The following CHSY3 variants were observed in gnomAD, a reference collection of about 807,000 sequenced individuals.
The protein encoded by CHSY3 is chondroitin sulfate synthase 3, also known as N-acetylgalactosaminyl-proteoglycan 3-beta-glucuronosyltransferase 3.
CHSY3 carries 35 observed loss-of-function variants against 67.2 expected under a neutral mutation model. The ratio of observed to expected loss-of-function variants is 0.52; its 90% CI spans 0.40 to 0.69. The LOEUF (loss-of-function observed/expected upper bound fraction) is 0.69. CHSY3 is among the 30% of genes least tolerant of loss of function. CHSY3 has a pLI of 0.00. For synonymous variants in CHSY3, 474 were observed against 434.7 expected, an observed-to-expected ratio of 1.09 and a Z score of -1.12; for missense variants, 1,069 against 1,138.5, an observed-to-expected ratio of 0.94 and a Z score of 0.88.
intron 2 of CHSY3, among the ~76,000 whole-genome samples, chr5:129,941,788 T>G (rs1761707462): frequency 6.6e-6 from 1 of 152,092 alleles, no homozygotes; most frequent in Non-Finnish European, 1.5e-5. Flanking sequence ...GGTTGGAAGC[T>G]CAATCCCCAA....
chr5:130,119,363 A>C (rs1183817716), intron 2 of CHSY3, among the ~76,000 whole-genome samples: 1 of 152,194 alleles, frequency 6.6e-6, no homozygotes, highest in Non-Finnish European at 1.5e-5. Flanking sequence ...TGTAGCCATG[A>C]TTGCAGGAAT....
intron 2 of CHSY3, among the ~76,000 whole-genome samples, chr5:130,058,612 G>A (rs1278398532): frequency 2.0e-5 from 3 of 152,132 alleles, no homozygotes; most frequent in Non-Finnish European, 4.4e-5. Flanking sequence ...GACTAAAAGA[G>A]TGAAACTTCG....
At chr5:129,946,425 A>C (rs1455793551) in intron 2 of CHSY3, among the ~76,000 whole-genome samples, 1 of 152,198 alleles carries the variant, frequency 6.6e-6, no homozygotes, top group African/African-American at 2.4e-5. Flanking sequence ...ATCCAAACAC[A>C]ATCATAAATT....
chr5:130,047,607 G>A (rs1765193861), intron 2 of CHSY3, among the ~76,000 whole-genome samples: 1 of 152,006 alleles, frequency 6.6e-6, no homozygotes, highest in Admixed American at 6.6e-5. Context: ...TTCACTAGCT[G>A]AAGTGAATAA....
At position 130,061,319 on chromosome 5, in the gene CHSY3, C is replaced by G. The variant is rs76096108; in HGVS notation, c.1087-122910C>G. On this transcript the variant is annotated intron_variant, in intron 2 of 2. Coordinates refer to ENST00000305031, the MANE Select transcript of CHSY3 (RefSeq NM_175856.5). ...AAAAATAAACAGTGGGGAAAGGACACCTTATTCAATAAATGGTGCTAGAAA... is the reference window on the plus strand; with the variant it reads ...AAAAATAAACAGTGGGGAAAGGACAGCTTATTCAATAAATGGTGCTAGAAA... Among the ~76,000 whole-genome samples, 814 of 152,190 alleles carry G rather than the reference C, an allele frequency of 5.3e-3. 7 individuals are homozygous for G. The highest frequency in any genetic ancestry group is 0.019 in the African/African-American group (775 of 41,538).
At position 129,905,387 on chromosome 5, in the gene CHSY3, C is replaced by T; in HGVS notation, c.558C>T (p.Ser186=). ...TGACCGCGCAGAAGTACCTGGGCAG[C>T]CGCGCGCTGGCCGCGCAGCGGACCT... ...GVMTAQKYLG[S]RALAAQRTWA... Residue 186 remains serine, a synonymous_variant, in exon 1 of 3, where the codon AGC becomes AGT. Coordinates refer to ENST00000305031, the MANE Select transcript of CHSY3 (RefSeq NM_175856.5). 6.2e-7 allele frequency: 1 copy of T among 1,600,708 alleles called. No homozygotes were observed.
At chr5:130,059,860 A>G (rs1765653887) in intron 2 of CHSY3, among the ~76,000 whole-genome samples, 2 of 152,174 alleles carry the variant, frequency 1.3e-5, no homozygotes, top group Non-Finnish European at 1.5e-5. Context: ...ACTTTATGAG[A>G]GAAGACTATC....
chr5:130,122,353 TTAATC>T (rs750993882), intron 2 of CHSY3, among the ~76,000 whole-genome samples: 23 of 152,294 alleles, frequency 1.5e-4, no homozygotes, highest in African/African-American at 5.3e-4. Context: ...AAATAAGAGA[TTAATC>T]TAATCTAAGC....
intron 2 of CHSY3, among the ~76,000 whole-genome samples, chr5:130,077,854 T>A (rs1026648426): frequency 6.6e-6 from 1 of 151,948 alleles, no homozygotes; most frequent in Non-Finnish European, 1.5e-5. Flanking sequence ...TATTCTTTTT[T>A]GTGAGAATAC....
At chr5:130,133,763 C>T (rs1024463272) in intron 2 of CHSY3, among the ~76,000 whole-genome samples, 10 of 111,028 alleles carry the variant, frequency 9.0e-5, no homozygotes, top group African/African-American at 3.2e-4. Context: ...CAGTGTGAGA[C>T]TCCGTCTTAA....
chr5:130,016,532 C>T (rs1764224950), intron 2 of CHSY3, among the ~76,000 whole-genome samples: 1 of 152,168 alleles, frequency 6.6e-6, no homozygotes, highest in Non-Finnish European at 1.5e-5. Context: ...CTGCCTCAGC[C>T]TCCCAAGTAG....
intron 2 of CHSY3, among the ~76,000 whole-genome samples, chr5:130,127,434 T>C (rs1344222513): frequency 6.6e-6 from 1 of 151,770 alleles, no homozygotes; most frequent in African/African-American, 2.4e-5. Flanking sequence ...TAAATGTAGA[T>C]TCTGGGTTGC....
At chr5:129,940,329 C>T (rs2149594192) in intron 2 of CHSY3, among the ~76,000 whole-genome samples, 1 of 152,118 alleles carries the variant, frequency 6.6e-6, no homozygotes, top group Admixed American at 6.5e-5. Context: ...TCTTTTGATT[C>T]TTGTTAACTG....
At position 130,078,745 on chromosome 5, in the gene CHSY3, C is replaced by T. The variant is rs1205184079; in HGVS notation, c.1087-105484C>T. Among the ~76,000 whole-genome samples the T allele has an allele frequency of 1.2e-4, 18 of 152,126 alleles. 1 individual carries two copies. The highest frequency in any genetic ancestry group is 1.2e-3 in the Admixed American group (18 of 15,240). ...TTCCTATTGACTTCATCAAAGCAGACCTTATTCTTTTGCTCAGTGCTTGAA... is the reference window on the plus strand; with the variant it reads ...TTCCTATTGACTTCATCAAAGCAGATCTTATTCTTTTGCTCAGTGCTTGAA... On this transcript the variant is annotated intron_variant, in intron 2 of 2. Transcript: ENST00000305031.
intron 2 of CHSY3, among the ~76,000 whole-genome samples, chr5:130,110,715 A>G (rs970137910): frequency 7.9e-5 from 12 of 151,956 alleles, no homozygotes; most frequent in African/African-American, 2.9e-4. Context: ...TAATGATGAC[A>G]TATAATACCT....
At chr5:130,119,569 C>T (rs1767937937) in intron 2 of CHSY3, among the ~76,000 whole-genome samples, 2 of 152,074 alleles carry the variant, frequency 1.3e-5, no homozygotes, top group South Asian at 4.1e-4. Flanking sequence ...CAGGCTTCTC[C>T]TTGACATATT....
chr5:129,945,557 C>T, intron 2 of CHSY3, among the ~76,000 whole-genome samples: 1 of 152,114 alleles, frequency 6.6e-6, no homozygotes, highest in African/African-American at 2.4e-5. Flanking sequence ...ATTTCCCCTT[C>T]TGTTAAGGGT....
chr5:130,071,567 G>A (rs1766070020), intron 2 of CHSY3, among the ~76,000 whole-genome samples: 1 of 150,964 alleles, frequency 6.6e-6, no homozygotes, highest in African/African-American at 2.5e-5. Flanking sequence ...GTGTGTGTGT[G>A]TGTGTGTTTG....
chr5:130,178,251 ATATTTTT>A, intron 2 of CHSY3, among the ~76,000 whole-genome samples: 1 of 62,736 alleles, frequency 1.6e-5, no homozygotes, highest in African/African-American at 7.9e-5. Context: ...ATATATATAT[ATATTTTT>A]TTTTTTTTTT....
Sources: allele counts gnomAD v4.1 joint callset (sites outside exome capture counted in the v4.1 genomes callset), GRCh38; gene constraint gnomAD v4.1.1; transcripts MANE v1.5; gene names NCBI Gene and HGNC (gene_info 2026-07-23, HGNC 2026-07-21).